PLPPR1: variants seen among roughly 807,000 people sequenced by gnomAD.
PLPPR1 encodes phospholipid phosphatase related 1.
PLPPR1 carries 10 observed loss-of-function variants against 33.1 expected under a neutral mutation model. The ratio of observed to expected loss-of-function variants is 0.30; its 90% CI spans 0.19 to 0.51. PLPPR1 has a LOEUF of 0.51. PLPPR1 is among the 20% of genes least tolerant of loss of function. PLPPR1 has a pLI of 0.97. For missense variants in PLPPR1, 304 were observed against 408.1 expected (o/e 0.74, Z 2.20); for synonymous variants, 151 against 151.0 (o/e 1.00, Z 0.00).
At chr9:101,134,367 G>A (rs1168566659) in intron 1 of PLPPR1, among the ~76,000 whole-genome samples, 1 of 150,302 alleles carries the variant, frequency 6.7e-6, no homozygotes, top group Non-Finnish European at 1.5e-5. Flanking sequence ...GTGATATATT[G>A]TGGTCTGTAA....
chr9:101,213,846 A>G (rs1224472725), intron 2 of PLPPR1, among the ~76,000 whole-genome samples: 1 of 152,228 alleles, frequency 6.6e-6, no homozygotes, highest in Non-Finnish European at 1.5e-5. Context: ...AATGTAATTC[A>G]CATAAGGTTA....
chr9:101,247,664 G>A (rs960333429), intron 2 of PLPPR1, among the ~76,000 whole-genome samples: 16 of 152,098 alleles, frequency 1.1e-4, no homozygotes, highest in African/African-American at 3.9e-4. Flanking sequence ...CACACGTAGA[G>A]CATTTACCAT....
intron 1 of PLPPR1, among the ~76,000 whole-genome samples, chr9:101,096,283 A>C (rs7848935): frequency 0.71 from 107,318 of 152,046 alleles, 38,070 homozygotes; most frequent in East Asian, 0.89. Flanking sequence ...AAGAAGAATA[A>C]CATAATCACA....
At chr9:101,054,079 G>T (rs983097589) in intron 1 of PLPPR1, among the ~76,000 whole-genome samples, 1 of 152,116 alleles carries the variant, frequency 6.6e-6, no homozygotes, top group African/African-American at 2.4e-5. Flanking sequence ...AGCTACTCAG[G>T]AGGCTGAGTC....
intron 1 of PLPPR1, among the ~76,000 whole-genome samples, chr9:101,152,406 G>T (rs1391758701): frequency 2.0e-5 from 3 of 152,194 alleles, no homozygotes; most frequent in Non-Finnish European, 2.9e-5. Flanking sequence ...AGTTTAATTA[G>T]ATCCCATTTG....
chr9:101,141,402 C>T (rs572202012), intron 1 of PLPPR1, among the ~76,000 whole-genome samples: 10 of 152,138 alleles, frequency 6.6e-5, no homozygotes, highest in Admixed American at 3.3e-4. Flanking sequence ...ATTCTGGGCA[C>T]GATCTATGAA....
chr9:101,131,121 A>T lies in PLPPR1; in HGVS notation c.-45-54329A>T, dbSNP rs551760304. ...CTGGATGAGGCCAATTGCATAGTTA[A>T]TAATGATAATCATGTGATTTAACCT... On this transcript the variant is annotated intron_variant, in intron 1 of 7. Transcript: ENST00000374874. Among the ~76,000 whole-genome samples the T allele has an allele frequency of 1.1e-4, 17 of 152,308 alleles. No homozygotes were observed. In the South Asian group the frequency reaches 3.3e-3, roughly 30 times the overall value.
chr9:101,310,526 C>G (rs1828935027), intron 5 of PLPPR1, among the ~76,000 whole-genome samples: 1 of 152,180 alleles, frequency 6.6e-6, no homozygotes, highest in African/African-American at 2.4e-5. Context: ...CTTCCTGTCA[C>G]TGAGTGTAAT....
At chr9:101,030,615 G>A (rs182836482) in intron 1 of PLPPR1, among the ~76,000 whole-genome samples, 16 of 151,986 alleles carry the variant, frequency 1.1e-4, no homozygotes, top group Non-Finnish European at 2.2e-4. Flanking sequence ...TCTTGTGCAC[G>A]TCAGGAGCCT....
intron 1 of PLPPR1, among the ~76,000 whole-genome samples, chr9:101,064,592 AAC>A (rs1390605881): frequency 2.0e-5 from 3 of 152,030 alleles, no homozygotes; most frequent in Non-Finnish European, 2.9e-5. Flanking sequence ...CATTGGTTGA[AAC>A]AGTCACAAAA....
chr9:101,035,312 G>C (rs2480736), intron 1 of PLPPR1, among the ~76,000 whole-genome samples: 1 of 151,932 alleles, frequency 6.6e-6, no homozygotes, highest in South Asian at 2.1e-4. Flanking sequence ...ACTGCAACCC[G>C]GGTTTGACTC....
chr9:101,126,081 C>T (rs1169187280), intron 1 of PLPPR1, among the ~76,000 whole-genome samples: 2 of 152,190 alleles, frequency 1.3e-5, no homozygotes, highest in Non-Finnish European at 1.5e-5. Context: ...AAGCATCCAA[C>T]AGCAGGTCTA....
At chr9:101,257,746 C>G (rs1253670832) in intron 2 of PLPPR1, among the ~76,000 whole-genome samples, 2 of 152,116 alleles carry the variant, frequency 1.3e-5, no homozygotes, top group Non-Finnish European at 1.5e-5. Flanking sequence ...TCAAATATAT[C>G]ACAAAACCCC....
chr9:101,301,453 T>C (rs986034012), intron 4 of PLPPR1, among the ~76,000 whole-genome samples: 6 of 152,246 alleles, frequency 3.9e-5, no homozygotes, highest in African/African-American at 1.4e-4. Flanking sequence ...CACCCTGTGA[T>C]ACAAGGCATA....
At chr9:101,088,053 A>G (rs1830699656) in intron 1 of PLPPR1, among the ~76,000 whole-genome samples, 1 of 152,208 alleles carries the variant, frequency 6.6e-6, no homozygotes, top group African/African-American at 2.4e-5. Flanking sequence ...ACAAATTAGA[A>G]GAGGACCCTT....
intron 2 of PLPPR1, among the ~76,000 whole-genome samples, chr9:101,264,462 C>A (rs186583493): frequency 1.1e-4 from 17 of 152,296 alleles, no homozygotes; most frequent in African/African-American, 3.8e-4. Context: ...CCCTCCCAAC[C>A]AGTTCACCAG....
chr9:101,131,055 C>T lies in PLPPR1; in HGVS notation c.-45-54395C>T, dbSNP rs114210085. The stretch of plus-strand genomic sequence containing the variant: ...ATGTTAATATTAGAAATAATTTTAA[C>T]GATAAATATGTGCTTAATGGCCTCT... On this transcript the variant is annotated intron_variant, in intron 1 of 7. Coordinates refer to ENST00000374874, the MANE Select transcript of PLPPR1 (RefSeq NM_207299.2). Among the ~76,000 whole-genome samples, 1,030 of 152,256 alleles carry T rather than the reference C, an allele frequency of 6.8e-3. 8 individuals carry two copies. The highest frequency in any genetic ancestry group is 0.014 in the Middle Eastern group (4 of 294).
At chr9:101,299,534 GA>G (rs1252172029) in intron 4 of PLPPR1, among the ~76,000 whole-genome samples, 1 of 152,136 alleles carries the variant, frequency 6.6e-6, no homozygotes, top group Non-Finnish European at 1.5e-5. Flanking sequence ...GAATATTACA[GA>G]TCTGACCAAG....
intron 2 of PLPPR1, among the ~76,000 whole-genome samples, chr9:101,252,461 C>T (rs1269250985): frequency 1.3e-5 from 2 of 152,110 alleles, no homozygotes; most frequent in Non-Finnish European, 2.9e-5. Flanking sequence ...TTCATTTATG[C>T]AGGATCCTTA....
Sources: gnomAD v4.1 joint callset for allele counts (sites outside exome capture counted in the v4.1 genomes callset) on GRCh38, gnomAD v4.1.1 for gene constraint, MANE v1.5 for transcripts, NCBI Gene and HGNC (gene_info 2026-07-23, HGNC 2026-07-21) for gene names.